Variants in IL1RAP observed in about 807,000 individuals in gnomAD.
IL1RAP encodes interleukin-1 receptor accessory protein.
Under a neutral mutation model 60.7 loss-of-function variants are expected in IL1RAP, and 35 were observed. That is an observed-to-expected ratio of 0.58 (90% CI 0.44 to 0.76). The LOEUF (loss-of-function observed/expected upper bound fraction) is 0.76, where lower values mean the gene tolerates loss of function less well. Ranked by LOEUF, IL1RAP falls within the 30% of genes least tolerant of loss-of-function variation. IL1RAP has a pLI of 0.00. For missense variants in IL1RAP, 572 were observed against 693.9 expected (o/e 0.82, Z 1.97); for synonymous variants, 268 against 250.9 (o/e 1.07, Z -0.64).
intron 2 of IL1RAP, among the ~76,000 whole-genome samples, chr3:190,562,707 C>T (rs1410086850): frequency 9.1e-5 from 6 of 65,646 alleles, no homozygotes; most frequent in East Asian, 8.2e-4. Context: ...CACACACACA[C>T]ACACACACAC....
At chr3:190,614,654 T>G (rs1731107433) in intron 5 of IL1RAP, among the ~76,000 whole-genome samples, 1 of 152,158 alleles carries the variant, frequency 6.6e-6, no homozygotes, top group African/African-American at 2.4e-5. Context: ...GGAGCTAAGA[T>G]TCTAACCTAT....
intron 5 of IL1RAP, among the ~76,000 whole-genome samples, chr3:190,612,905 GA>G (rs1290890988): frequency 2.0e-5 from 3 of 152,156 alleles, no homozygotes; most frequent in African/African-American, 7.2e-5. Flanking sequence ...ATAAGTTAAG[GA>G]ATATCTGTAT....
chr3:190,649,220 G>A lies in IL1RAP; in HGVS notation c.*515G>A, dbSNP rs1734247329. The A allele has an allele frequency of 1.0e-6, 1 of 985,918 alleles. No individual in the cohort carries two copies. The highest frequency in any genetic ancestry group is 1.1e-4 in the East Asian group (1 of 8,826). The allele number at this position is 985,918 out of a possible 1,614,324, so 61.1% of individuals were successfully genotyped here. ...TTCGGCTGTATAATACATAACCACA[G>A]CAAGACTGACATCCACTTAGGATGA... On this transcript the variant is annotated 3_prime_UTR_variant, in exon 12 of 12. Transcript: ENST00000447382.
rs141643234 is a variant in IL1RAP, at chr3:190,561,390, T to C, written c.-1-2899T>C. On this transcript the variant is annotated intron_variant, in intron 2 of 11. Transcript: ENST00000447382. ...TCCTTTTCAGTCTGCTTTATTCTAA[T>C]TCATCACAGGGCAGGACTGGCCCTG... Among the ~76,000 whole-genome samples the C allele has an allele frequency of 7.1e-3, 1,081 of 152,302 alleles. 5 individuals are homozygous for C. The highest frequency in any genetic ancestry group is 0.023 in the African/African-American group (948 of 41,560).
chr3:190,647,745 C>G (rs1347875497), intron 11 of IL1RAP, among the ~76,000 whole-genome samples: 1 of 152,168 alleles, frequency 6.6e-6, no homozygotes, highest in African/African-American at 2.4e-5. Context: ...TTTTGTTAAG[C>G]TTCTAGTCTA....
At chr3:190,526,062 G>A (rs1483201216) in intron 1 of IL1RAP, among the ~76,000 whole-genome samples, 4 of 152,200 alleles carry the variant, frequency 2.6e-5, no homozygotes, top group Non-Finnish European at 4.4e-5. Flanking sequence ...TCTTGAAGAA[G>A]TAGCTTACAG....
chr3:190,620,071 C>T (rs1731640085), intron 5 of IL1RAP, among the ~76,000 whole-genome samples: 1 of 152,110 alleles, frequency 6.6e-6, no homozygotes. Context: ...ATTTTAATTT[C>T]TCATGATCAG....
At chr3:190,565,607 C>T (rs566134903) in intron 3 of IL1RAP, among the ~76,000 whole-genome samples, 1 of 152,092 alleles carries the variant, frequency 6.6e-6, no homozygotes, top group Admixed American at 6.6e-5. Context: ...CTTGTTGGCC[C>T]TTTGGGGCTT....
intron 3 of IL1RAP, among the ~76,000 whole-genome samples, chr3:190,580,093 G>A (rs1222118551): frequency 6.6e-6 from 1 of 152,182 alleles, no homozygotes; most frequent in Non-Finnish European, 1.5e-5. Context: ...GTATATAGCT[G>A]TAAGTTGAAT....
chr3:190,525,384 G>A (rs1722422534), intron 1 of IL1RAP, among the ~76,000 whole-genome samples: 2 of 152,218 alleles, frequency 1.3e-5, no homozygotes, highest in African/African-American at 4.8e-5. Context: ...GGCCAAGTAA[G>A]AGACAGTGAA....
At chr3:190,658,894 C>A (rs1003949086) in exon 12 of IL1RAP, 9 of 152,126 alleles carry the variant, frequency 5.9e-5, no homozygotes, top group African/African-American at 2.2e-4. Context: ...GACAGGCCAC[C>A]CTAACTAAAT....
intron 8 of IL1RAP, among the ~76,000 whole-genome samples, chr3:190,627,800 A>T (rs1732437909): frequency 6.6e-6 from 1 of 152,214 alleles, no homozygotes. Flanking sequence ...TCTTACATGA[A>T]TAAAAAGGTC....
At chr3:190,572,682 A>G (rs1218495925) in intron 3 of IL1RAP, among the ~76,000 whole-genome samples, 1 of 152,056 alleles carries the variant, frequency 6.6e-6, no homozygotes, top group Non-Finnish European at 1.5e-5. Flanking sequence ...TCCTTTTTGA[A>G]CAGTTAATGT....
At chr3:190,620,208 CGT>C in intron 5 of IL1RAP, 65 bp from the exon 6 acceptor site, 1 of 802,582 alleles carries the variant, frequency 1.2e-6, no homozygotes, top group East Asian at 2.6e-5. Flanking sequence ...TGTGAGTGTG[CGT>C]GTGTTTGTAT....
chr3:190,618,535 G>A (rs765384132), intron 5 of IL1RAP, among the ~76,000 whole-genome samples: 68 of 152,210 alleles, frequency 4.5e-4, no homozygotes, highest in African/African-American at 1.2e-3. Flanking sequence ...AAATTACAGC[G>A]TATTTAGTCT....
At chr3:190,654,190 T>TCACA (rs57074064), downstream of IL1RAP, among the ~76,000 whole-genome samples, 44,973 of 140,194 alleles carry the variant, frequency 0.32, 8,038 homozygotes, top group Admixed American at 0.43. Context: ...AAACATCATA[T>TCACA]CACACACACA....
chr3:190,614,370 A>G (rs1299477070), intron 5 of IL1RAP, among the ~76,000 whole-genome samples: 1 of 152,028 alleles, frequency 6.6e-6, no homozygotes, highest in East Asian at 1.9e-4. Context: ...CTTACATTTC[A>G]GTAATCACAC....
intron 3 of IL1RAP, among the ~76,000 whole-genome samples, chr3:190,568,235 G>T (rs185642515): frequency 2.0e-5 from 3 of 152,064 alleles, no homozygotes; most frequent in Non-Finnish European, 4.4e-5. Context: ...CAGGAACTTC[G>T]CAGGAACCAT....
intron 1 of IL1RAP, among the ~76,000 whole-genome samples, chr3:190,540,331 T>G (rs1428710991): frequency 1.3e-5 from 2 of 152,074 alleles, no homozygotes; most frequent in Non-Finnish European, 2.9e-5. Flanking sequence ...TTTTCTTTGG[T>G]GGATGAATGT....
Sources: gnomAD v4.1 joint callset for allele counts (sites outside exome capture counted in the v4.1 genomes callset) on GRCh38, gnomAD v4.1.1 for gene constraint, MANE v1.5 for transcripts, NCBI Gene and HGNC (gene_info 2026-07-23, HGNC 2026-07-21) for gene names.